The following DYM variants were observed in gnomAD, a reference collection of about 807,000 sequenced individuals.
DYM encodes dyggve-Melchior-Clausen syndrome protein.
In DYM, 78 loss-of-function variants were observed where a neutral mutation model predicts 93.1. The observed-to-expected ratio is 0.84, with a 90% CI of 0.70 to 1.01. DYM has a LOEUF of 1.01. DYM is among the 50% of genes least tolerant of loss of function. The pLI is 0.00. For missense variants in DYM, 789 were observed against 845.0 expected, an observed-to-expected ratio of 0.93 and a Z score of 0.82; for synonymous variants, 321 against 319.7, an observed-to-expected ratio of 1.00 and a Z score of -0.04.
chr18:49,170,849 G>A (rs1351697935), intron 14 of DYM, among the ~76,000 whole-genome samples: 11 of 148,552 alleles, frequency 7.4e-5, no homozygotes, highest in African/African-American at 2.7e-4. Flanking sequence ...GTGAACAGAG[G>A]CCAGAAAGGG....
At chr18:49,054,871 A>G (rs2075339703) in intron 17 of DYM, among the ~76,000 whole-genome samples, 1 of 152,212 alleles carries the variant, frequency 6.6e-6, no homozygotes, top group Non-Finnish European at 1.5e-5. Flanking sequence ...TCGGGAAAAC[A>G]TGGAGGATAT....
At chr18:49,134,610 G>T (rs2037810867) in intron 15 of DYM, among the ~76,000 whole-genome samples, 1 of 152,086 alleles carries the variant, frequency 6.6e-6, no homozygotes, top group African/African-American at 2.4e-5. Flanking sequence ...TCAGTTTATT[G>T]AAACAGACAA....
intron 16 of DYM, among the ~76,000 whole-genome samples, chr18:49,113,358 C>G (rs1339984392): frequency 6.6e-6 from 1 of 152,058 alleles, no homozygotes; most frequent in Non-Finnish European, 1.5e-5. Flanking sequence ...TTATATTCTA[C>G]CTTGTCTTGC....
chr18:49,315,477 G>A (rs1253075006), intron 8 of DYM, among the ~76,000 whole-genome samples: 5 of 152,104 alleles, frequency 3.3e-5, no homozygotes, highest in South Asian at 4.1e-4. Flanking sequence ...AACTTCAGAC[G>A]CAAGAACAAA....
chr18:49,080,767 G>T (rs1159686598), intron 17 of DYM, among the ~76,000 whole-genome samples: 1 of 147,074 alleles, frequency 6.8e-6, no homozygotes, highest in African/African-American at 2.5e-5. Context: ...GGGCGGAGGG[G>T]CTCCTCACTT....
chr18:49,169,580 G>A (rs1317899305), intron 14 of DYM, among the ~76,000 whole-genome samples: 1 of 152,200 alleles, frequency 6.6e-6, no homozygotes, highest in East Asian at 1.9e-4. Flanking sequence ...AAACTGCTGT[G>A]TTTGGTATTG....
At chr18:49,128,028 C>T (rs1446397248) in intron 15 of DYM, among the ~76,000 whole-genome samples, 1 of 152,192 alleles carries the variant, frequency 6.6e-6, no homozygotes, top group Non-Finnish European at 1.5e-5. Flanking sequence ...TCTGGAAAGT[C>T]GTTCTTTAAC....
At chr18:49,112,966 C>G (rs966003295) in intron 16 of DYM, among the ~76,000 whole-genome samples, 1 of 152,144 alleles carries the variant, frequency 6.6e-6, no homozygotes, top group Non-Finnish European at 1.5e-5. Context: ...GGTATTCTAA[C>G]GAGCTCTCAT....
At position 49,330,751 on chromosome 18, in the gene DYM, A is replaced by G. The variant is rs138725641; in HGVS notation, c.763+1113T>C. Reference sequence around the variant, plus strand: ...AGTAATAGATCAATTAAGCCTTCCAATGGGACACAAAAAGCCCCTGAAATA... The same window carrying G: ...AGTAATAGATCAATTAAGCCTTCCAGTGGGACACAAAAAGCCCCTGAAATA... On this transcript the variant is annotated intron_variant, in intron 8 of 17. Coordinates refer to ENST00000675505, the MANE Select transcript of DYM (RefSeq NM_001353214.3). Among the ~76,000 whole-genome samples the G allele has an allele frequency of 3.3e-3, 498 of 152,304 alleles. 7 individuals carry two copies. The highest frequency in any genetic ancestry group is 0.011 in the African/African-American group (467 of 41,570).
intron 17 of DYM, among the ~76,000 whole-genome samples, chr18:49,085,794 G>T (rs1435038522): frequency 6.6e-6 from 1 of 151,938 alleles, no homozygotes; most frequent in Non-Finnish European, 1.5e-5. Context: ...TTTTAGTAGA[G>T]ACGGGGTTTC....
At chr18:49,219,241 A>C (rs1161334911) in intron 13 of DYM, among the ~76,000 whole-genome samples, 2 of 152,012 alleles carry the variant, frequency 1.3e-5, no homozygotes, top group Non-Finnish European at 2.9e-5. Flanking sequence ...CAATAACAGG[A>C]TCTGAAATTG....
At chr18:49,107,827 C>T (rs1374463506) in intron 16 of DYM, among the ~76,000 whole-genome samples, 2 of 152,182 alleles carry the variant, frequency 1.3e-5, no homozygotes, top group Non-Finnish European at 2.9e-5. Context: ...CTGGGGGGTG[C>T]CTCCCAGTTA....
chr18:49,187,161 G>A (rs139824879), intron 14 of DYM, among the ~76,000 whole-genome samples: 5,981 of 152,004 alleles, frequency 0.039, 160 homozygotes, highest in Middle Eastern at 0.075. Context: ...CCTCATGATC[G>A]CCCGCCTCGG....
At chr18:49,369,755 T>G (rs2066829029) in intron 5 of DYM, among the ~76,000 whole-genome samples, 1 of 238 alleles carries the variant, frequency 4.2e-3, no homozygotes, top group Non-Finnish European at 7.0e-3. Flanking sequence ...AAAATAAGTT[T>G]ATATTGAAAC....
chr18:49,449,313 T>C (rs2082339488), intron 1 of DYM, among the ~76,000 whole-genome samples: 1 of 152,064 alleles, frequency 6.6e-6, no homozygotes, highest in Non-Finnish European at 1.5e-5. Context: ...AGCAAAGAAA[T>C]TGAAAGATAA....
chr18:49,066,749 C>T (rs1274853494), intron 17 of DYM, among the ~76,000 whole-genome samples: 1 of 152,024 alleles, frequency 6.6e-6, no homozygotes, highest in Non-Finnish European at 1.5e-5. Context: ...CCACATCATA[C>T]CTTCTTTACT....
chr18:49,457,813 A>G (rs761006859), intron 1 of DYM, among the ~76,000 whole-genome samples: 2 of 152,236 alleles, frequency 1.3e-5, no homozygotes, highest in Non-Finnish European at 2.9e-5. Context: ...ATTTAATTAC[A>G]TGGGTCCTTA....
chr18:49,368,514 T>C (rs1050248353), intron 5 of DYM: 1 of 152,220 alleles, frequency 6.6e-6, no homozygotes, highest in South Asian at 2.1e-4. Context: ...TGCTTACCTA[T>C]AACTAATAAG....
At chr18:49,044,624 G>A (rs2071232145) in intron 17 of DYM, among the ~76,000 whole-genome samples, 1 of 152,240 alleles carries the variant, frequency 6.6e-6, no homozygotes. Context: ...TTCTGGAGGT[G>A]AGGACCTTCC....
Sources: gnomAD v4.1 joint callset for allele counts (sites outside exome capture counted in the v4.1 genomes callset) on GRCh38, gnomAD v4.1.1 for gene constraint, MANE v1.5 for transcripts, NCBI Gene and HGNC (gene_info 2026-07-23, HGNC 2026-07-21) for gene names.